The following ICA1L variants were observed in gnomAD, a reference collection of about 807,000 sequenced individuals.
ICA1L encodes islet cell autoantigen 1 like.
In ICA1L, 50 loss-of-function variants were observed where a neutral mutation model predicts 61.3. The ratio of observed to expected loss-of-function variants is 0.82; its 90% confidence interval spans 0.65 to 1.03. ICA1L has a LOEUF of 1.03. Among genes scored for constraint, ICA1L ranks in the 50% least tolerant of loss-of-function variants. ICA1L has a pLI of 0.00. For missense variants in ICA1L, 508 were observed against 556.7 expected, an observed-to-expected ratio of 0.91 and a Z score of 0.88; for synonymous variants, 161 against 191.3, an observed-to-expected ratio of 0.84 and a Z score of 1.31.
intron 9 of ICA1L, among the ~76,000 whole-genome samples, chr2:202,801,089 A>G (rs1693075757): frequency 6.6e-6 from 1 of 152,216 alleles, no homozygotes; most frequent in Admixed American, 6.5e-5. Context: ...AAGTGAGAAG[A>G]ATAATCCTGG....
chr2:202,816,509 A>T (rs1693538701), intron 6 of ICA1L, among the ~76,000 whole-genome samples: 1 of 152,236 alleles, frequency 6.6e-6, no homozygotes, highest in African/African-American at 2.4e-5. Flanking sequence ...AACTCAAGTA[A>T]TTGGACATTT....
intron 9 of ICA1L, among the ~76,000 whole-genome samples, chr2:202,811,261 C>G (rs1408163279): frequency 1.3e-5 from 2 of 152,068 alleles, no homozygotes; most frequent in African/African-American, 4.8e-5. Flanking sequence ...CTCAGACCAG[C>G]CGACACTTGG....
intron 10 of ICA1L, among the ~76,000 whole-genome samples, chr2:202,795,605 G>GA (rs531882772): frequency 4.6e-5 from 7 of 150,590 alleles, no homozygotes; most frequent in African/African-American, 1.2e-4. Flanking sequence ...CAAAAAAAAA[G>GA]AAAAAAAACA....
Position 202,819,792 on chromosome 2 carries a change from C to A in ICA1L, c.467G>T (p.Arg156Leu), listed in dbSNP as rs766859524. 9 of 1,613,824 alleles carry A rather than the reference C, an allele frequency of 5.6e-6. No homozygotes were observed. The highest frequency in any genetic ancestry group is 7.6e-6 in the Non-Finnish European group (9 of 1,179,728). Residue 156 changes from arginine (R) to leucine (L), a missense_variant, in exon 5 of 13, where the codon CGC becomes CTC. Coordinates refer to ENST00000358299, the MANE Select transcript of ICA1L (RefSeq NM_001288622.3). ...LMTINRMEQA[R>L]TEYRGALLWM... ...CAGTAGAGCTCCTCTGTATTCTGTG[C>A]GTGCCTGCTCCATCCGATTAATTGT...
intron 1 of ICA1L, among the ~76,000 whole-genome samples, chr2:202,865,029 G>A (rs1687449093): frequency 6.6e-6 from 1 of 152,100 alleles, no homozygotes; most frequent in Non-Finnish European, 1.5e-5. Context: ...TGGGTATGGT[G>A]GCATCTGCCT....
At chr2:202,856,023 A>G (rs1694759735) in intron 1 of ICA1L, among the ~76,000 whole-genome samples, 1 of 149,176 alleles carries the variant, frequency 6.7e-6, no homozygotes, top group Admixed American at 6.8e-5. Flanking sequence ...CAGTGAGCCG[A>G]GATTGCACCA....
At chr2:202,836,950 T>G (rs1427295307) in intron 1 of ICA1L, among the ~76,000 whole-genome samples, 1 of 152,008 alleles carries the variant, frequency 6.6e-6, no homozygotes, top group Non-Finnish European at 1.5e-5. Context: ...CAAGCAATTC[T>G]CCTGCCTCAG....
At chr2:202,863,209 T>C (rs929526777) in intron 1 of ICA1L, among the ~76,000 whole-genome samples, 4 of 151,338 alleles carry the variant, frequency 2.6e-5, no homozygotes, top group African/African-American at 7.3e-5. Context: ...GGAGAATCAG[T>C]TGAACCCGGG....
Position 202,773,999 on chromosome 2 carries a change from G to T in ICA1L, c.*5534C>A. On this transcript the variant is annotated 3_prime_UTR_variant, in exon 13 of 13. Coordinates refer to ENST00000358299, the MANE Select transcript of ICA1L (RefSeq NM_001288622.3). The stretch of plus-strand genomic sequence containing the variant: ...AGGTATATGGTACTAAGAAGAGTTG[G>T]CTGTTTTATTTTTTTAAATTATGAA... 2.2e-6 allele frequency: 2 copies of T among 901,102 alleles called. No homozygotes were observed. Among genetic ancestry groups the T allele is most frequent in the Non-Finnish European group, 3.4e-6 (2 of 587,086 alleles). The allele number at this position is 901,102 out of a possible 1,614,324, so 55.8% of individuals were successfully genotyped here. A position where few individuals can be genotyped will look rare whatever the true frequency, so the allele number is the denominator to read the frequency against.
intron 9 of ICA1L, among the ~76,000 whole-genome samples, chr2:202,806,570 T>TG (rs1438513588): frequency 6.7e-6 from 1 of 149,732 alleles, no homozygotes; most frequent in African/African-American, 2.5e-5. Flanking sequence ...CACCTGAACC[T>TG]GGGAAGTCAA....
At chr2:202,858,410 G>T (rs145617458) in intron 1 of ICA1L, among the ~76,000 whole-genome samples, 17 of 152,338 alleles carry the variant, frequency 1.1e-4, no homozygotes, top group African/African-American at 4.1e-4. Flanking sequence ...TCAGAAGTGG[G>T]AGTTGAACAA....
chr2:202,826,560 C>T (rs1369775343), intron 2 of ICA1L, among the ~76,000 whole-genome samples: 4 of 152,092 alleles, frequency 2.6e-5, no homozygotes, highest in Non-Finnish European at 5.9e-5. Flanking sequence ...CAACTTCTAC[C>T]GCCTGGGTTC....
chr2:202,857,831 CA>C (rs1453549462), intron 1 of ICA1L, among the ~76,000 whole-genome samples: 1 of 152,078 alleles, frequency 6.6e-6, no homozygotes, highest in African/African-American at 2.4e-5. Context: ...AGACACTTCT[CA>C]AAAGACATTT....
chr2:202,827,847 T>A (rs1015269747), intron 2 of ICA1L, among the ~76,000 whole-genome samples: 22 of 152,366 alleles, frequency 1.4e-4, no homozygotes, highest in African/African-American at 4.8e-4. Flanking sequence ...GTTTACTTTT[T>A]GCAGGATGAA....
intron 5 of ICA1L, among the ~76,000 whole-genome samples, chr2:202,818,128 A>T (rs571630049): frequency 6.6e-6 from 1 of 152,300 alleles, no homozygotes; most frequent in South Asian, 2.1e-4. Flanking sequence ...GTTCTTCCCC[A>T]CCATCCTTGG....
intron 10 of ICA1L, among the ~76,000 whole-genome samples, chr2:202,792,591 T>G (rs1692787298): frequency 6.6e-6 from 1 of 151,882 alleles, no homozygotes. Context: ...GATCACAAGG[T>G]CAGGAGATCG....
intron 1 of ICA1L, among the ~76,000 whole-genome samples, chr2:202,846,256 C>CTTTTT (rs145953471): frequency 2.0e-5 from 3 of 147,910 alleles, no homozygotes; most frequent in Non-Finnish European, 3.0e-5. Context: ...TTCTTTCTTT[C>CTTTTT]TTTTTTTTTT....
At position 202,810,413 on chromosome 2, in the gene ICA1L, T is replaced by C. The variant is rs548583171; in HGVS notation, c.910+1333A>G. On this transcript the variant is annotated intron_variant, in intron 9 of 12. Transcript: ENST00000358299. ...AGTCTCTGAACATAAATTGTGAAGA[T>C]TTCATGGACACTTATCACTTCCCCA... 4.6e-5 allele frequency among the ~76,000 whole-genome samples: 7 copies of C among 152,312 alleles called. No individual in the cohort carries two copies. The East Asian group carries it at 9.6e-4, about 21-fold the overall frequency.
intron 1 of ICA1L, among the ~76,000 whole-genome samples, chr2:202,830,033 G>A (rs1027521943): frequency 2.0e-4 from 31 of 152,144 alleles, no homozygotes; most frequent in Non-Finnish European, 2.5e-4. Context: ...CACAAATAAA[G>A]TCCTTAAGTA....
Sources: allele counts gnomAD v4.1 joint callset (sites outside exome capture counted in the v4.1 genomes callset), GRCh38; gene constraint gnomAD v4.1.1; transcripts MANE v1.5; gene names NCBI Gene and HGNC (gene_info 2026-07-23, HGNC 2026-07-21).